Variants in MAPK9 observed in about 807,000 individuals in gnomAD.
MAPK9 encodes mitogen-activated protein kinase 9, also known as Jun kinase.
In MAPK9, 30 loss-of-function variants were observed where a neutral mutation model predicts 57.1. The observed-to-expected ratio is 0.53, with a 90% confidence interval of 0.39 to 0.71. The LOEUF is 0.71. Ranked by LOEUF, MAPK9 falls within the 30% of genes least tolerant of loss-of-function variation. MAPK9 has a pLI of 0.00. For synonymous variants in MAPK9, 155 were observed against 177.0 expected (o/e 0.88, Z 0.99); for missense variants, 362 against 521.0 (o/e 0.69, Z 2.97).
At chr5:180,252,104 G>GGTCAGGT (rs780862753) in intron 5 of MAPK9, among the ~76,000 whole-genome samples, 18 of 152,266 alleles carry the variant, frequency 1.2e-4, no homozygotes, top group Non-Finnish European at 2.1e-4. Flanking sequence ...AGGGGTCAGG[G>GGTCAGGT]GTCAGGGCAT....
chr5:180,257,930 G>A (rs1171396740), intron 5 of MAPK9: 3 of 168,926 alleles, frequency 1.8e-5, no homozygotes, highest in Admixed American at 6.0e-5. Flanking sequence ...TCTCATTCTG[G>A]ACACAAACTA....
chr5:180,279,061 G>C (rs1165365602), intron 2 of MAPK9, among the ~76,000 whole-genome samples: 8 of 151,324 alleles, frequency 5.3e-5, no homozygotes, highest in Non-Finnish European at 2.9e-5. Context: ...AGGTTCAAGC[G>C]ATTCTCTTGC....
At chr5:180,236,655 C>T (rs1757197633) in intron 11 of MAPK9, 129 bp from the exon 12 acceptor site, 5 of 949,246 alleles carry the variant, frequency 5.3e-6, no homozygotes, top group Non-Finnish European at 7.6e-6. Context: ...TGAGTATAGA[C>T]AAGAAGTCAG....
chr5:180,285,781 A>T (rs1762685603), intron 1 of MAPK9, among the ~76,000 whole-genome samples: 1 of 151,920 alleles, frequency 6.6e-6, no homozygotes, highest in Non-Finnish European at 1.5e-5. Context: ...AATAATAATA[A>T]TAATAGTAAA....
chr5:180,253,491 G>A (rs1295580593), intron 5 of MAPK9: 1 of 152,374 alleles, frequency 6.6e-6, no homozygotes, highest in Admixed American at 6.5e-5. Flanking sequence ...GGAGGCAGAA[G>A]AGGCAAGGGT....
At position 180,292,026 on chromosome 5, in the gene MAPK9, G is replaced by A. The variant is rs937188163; in HGVS notation, c.-226C>T. The A allele has an allele frequency of 6.4e-6, 1 of 156,336 alleles. No individual in the cohort carries two copies. Among genetic ancestry groups the A allele is most frequent in the Non-Finnish European group, 1.4e-5 (1 of 72,340 alleles). 9.7% of individuals were successfully genotyped at this position (156,336 alleles called of 1,614,324 possible). On this transcript the variant is annotated 5_prime_UTR_variant, in exon 1 of 12. Coordinates refer to ENST00000452135, the MANE Select transcript of MAPK9 (RefSeq NM_002752.5). ...TGGGTGTGAGGGGCGCCGGGGCGCT[G>A]CGACCCTTCCGGTCCCGCTCCCTTC...
intron 1 of MAPK9, 73 bp from the exon 2 acceptor site, chr5:180,280,681 ACTTATTG>A (rs2127622295): frequency 8.3e-7 from 1 of 1,207,650 alleles, no homozygotes; most frequent in African/African-American, 1.5e-5. Flanking sequence ...AGAGTTCTGA[ACTTATTG>A]GTATGTAAGA....
Position 180,234,196 on chromosome 5 carries a change from T to C in MAPK9, c.*2188A>G, listed in dbSNP as rs546389335. The C allele has an allele frequency of 2.2e-4, 34 of 152,246 alleles. No homozygotes were observed. The highest frequency in any genetic ancestry group is 7.7e-4 in the African/African-American group (32 of 41,534). 9.4% of individuals were successfully genotyped at this position (152,246 alleles called of 1,614,324 possible). On this transcript the variant is annotated 3_prime_UTR_variant, in exon 12 of 12. Transcript: ENST00000452135. ...TACAATATAAATTACAAAAATAAAA[T>C]AGAAAAGATGAAACAGTTGAGCACA...
intron 5 of MAPK9, among the ~76,000 whole-genome samples, chr5:180,251,737 C>T (rs1561797798): frequency 2.0e-5 from 3 of 152,218 alleles, no homozygotes; most frequent in Non-Finnish European, 2.9e-5. Context: ...ATCCAAGTGA[C>T]GCCTGGATCG....
At chr5:180,248,066 C>T (rs987572612) in intron 6 of MAPK9, 8 of 677,154 alleles carry the variant, frequency 1.2e-5, no homozygotes, top group African/African-American at 5.4e-5. Context: ...ACCTCCTGAG[C>T]GATCATTTTC....
intron 1 of MAPK9, among the ~76,000 whole-genome samples, chr5:180,281,109 C>T (rs34774409): frequency 1.8e-4 from 28 of 152,184 alleles, no homozygotes; most frequent in African/African-American, 6.3e-4. Flanking sequence ...AAGATTCATA[C>T]GCCAAAGTGA....
chr5:180,288,950 A>G (rs1278185679), intron 1 of MAPK9, among the ~76,000 whole-genome samples: 1 of 152,270 alleles, frequency 6.6e-6, no homozygotes, highest in Non-Finnish European at 1.5e-5. Flanking sequence ...AATAAAAAGA[A>G]TGATGTTGAA....
chr5:180,267,336 C>T (rs1030011421), intron 3 of MAPK9, among the ~76,000 whole-genome samples: 49 of 152,074 alleles, frequency 3.2e-4, no homozygotes, highest in Non-Finnish European at 5.7e-4. Flanking sequence ...CCGAGGCAGG[C>T]AGATCACGAG....
intron 1 of MAPK9, among the ~76,000 whole-genome samples, chr5:180,284,565 A>AT (rs1762580738): frequency 6.6e-6 from 1 of 152,196 alleles, no homozygotes. Flanking sequence ...GTGGTAAAAC[A>AT]TTTTTTTAGA....
At chr5:180,268,292 A>G (rs1231697680) in intron 3 of MAPK9, among the ~76,000 whole-genome samples, 2 of 152,226 alleles carry the variant, frequency 1.3e-5, no homozygotes, top group African/African-American at 4.8e-5. Flanking sequence ...TAGCTACTCT[A>G]AATGTAACAT....
chr5:180,265,575 T>TG (rs1760448920), intron 3 of MAPK9, among the ~76,000 whole-genome samples: 1 of 152,238 alleles, frequency 6.6e-6, no homozygotes, highest in Non-Finnish European at 1.5e-5. Flanking sequence ...CCGCCATGAT[T>TG]GCAAGTTTCC....
intron 5 of MAPK9, among the ~76,000 whole-genome samples, chr5:180,252,690 G>A (rs558999440): frequency 1.2e-4 from 19 of 152,288 alleles, no homozygotes; most frequent in African/African-American, 3.9e-4. Flanking sequence ...CTGGGGAGAC[G>A]GCCACTGGGT....
At chr5:180,254,001 T>C (rs1283302025) in intron 5 of MAPK9, among the ~76,000 whole-genome samples, 2 of 137,646 alleles carry the variant, frequency 1.5e-5, no homozygotes, top group African/African-American at 5.4e-5. Flanking sequence ...AGTCTCGATC[T>C]TGTTGCTCAG....
Position 180,235,476 on chromosome 5 carries a change from G to A in MAPK9, c.*908C>T, listed in dbSNP as rs1013421234. 5.9e-5 allele frequency: 9 copies of A among 152,268 alleles called. No individual in the cohort carries two copies. The South Asian group carries it at 6.2e-4, about 11-fold the overall frequency. The allele number at this position is 152,268 out of a possible 1,614,324, so 9.4% of individuals were successfully genotyped here. A position where few individuals can be genotyped will look rare whatever the true frequency, so the allele number is the denominator to read the frequency against. On this transcript the variant is annotated 3_prime_UTR_variant, in exon 12 of 12. Transcript: ENST00000452135. ...GCATTTTGTAAAATTCCACTCCAACGTTAGGCCATGGATGCAGGAACCTAT... is the reference window on the plus strand; with the variant it reads ...GCATTTTGTAAAATTCCACTCCAACATTAGGCCATGGATGCAGGAACCTAT...
Sources: allele counts gnomAD v4.1 joint callset (sites outside exome capture counted in the v4.1 genomes callset), GRCh38; gene constraint gnomAD v4.1.1; transcripts MANE v1.5; gene names NCBI Gene and HGNC (gene_info 2026-07-23, HGNC 2026-07-21).